Variants in EPHA6 observed in about 807,000 individuals in gnomAD.
EPHA6 encodes ephrin type-A receptor 6.
In EPHA6, 50 loss-of-function variants were observed where a neutral mutation model predicts 112.0. The observed-to-expected ratio is 0.45, with a 90% CI of 0.36 to 0.56. The LOEUF (loss-of-function observed/expected upper bound fraction) is 0.56, where lower values mean the gene tolerates loss of function less well. EPHA6 is among the 20% of genes least tolerant of loss of function. EPHA6 has a pLI of 0.00. For missense variants in EPHA6, 1,280 were observed against 1,417.4 expected (o/e 0.90, Z 1.56); for synonymous variants, 529 against 490.7 (o/e 1.08, Z -1.03).
At chr3:97,113,777 A>G (rs975151217) in intron 3 of EPHA6, among the ~76,000 whole-genome samples, 1 of 152,042 alleles carries the variant, frequency 6.6e-6, no homozygotes, top group African/African-American at 2.4e-5. Context: ...TGTCATTGTC[A>G]TGTAAAGAGT....
intron 3 of EPHA6, among the ~76,000 whole-genome samples, chr3:97,172,769 A>G (rs933248395): frequency 2.0e-5 from 3 of 151,992 alleles, no homozygotes; most frequent in Non-Finnish European, 2.9e-5. Context: ...GTATTCTATC[A>G]GTATCTCAAC....
At chr3:97,038,631 TC>T (rs953028785) in intron 3 of EPHA6, among the ~76,000 whole-genome samples, 1 of 152,106 alleles carries the variant, frequency 6.6e-6, no homozygotes, top group African/African-American at 2.4e-5. Context: ...GGTAGTCCCA[TC>T]ATCCCCCTTT....
intron 3 of EPHA6, among the ~76,000 whole-genome samples, chr3:97,079,124 A>G (rs547686997): frequency 5.3e-5 from 8 of 152,310 alleles, no homozygotes; most frequent in South Asian, 4.1e-4. Context: ...ATGCCCATCA[A>G]TGTTAGACTG....
intron 1 of EPHA6, among the ~76,000 whole-genome samples, chr3:96,816,987 ATGAG>A (rs1226491763): frequency 2.0e-5 from 3 of 152,032 alleles, no homozygotes; most frequent in South Asian, 2.1e-4. Flanking sequence ...AACTTAGTGA[ATGAG>A]TATTATCCAA....
At chr3:96,820,061 G>A (rs780324926) in intron 1 of EPHA6, among the ~76,000 whole-genome samples, 2 of 152,014 alleles carry the variant, frequency 1.3e-5, no homozygotes, top group East Asian at 1.9e-4. Flanking sequence ...GAAGAAGTGC[G>A]TAACATATAG....
At chr3:97,545,582 C>T (rs1288539160) in intron 11 of EPHA6, among the ~76,000 whole-genome samples, 6 of 152,078 alleles carry the variant, frequency 3.9e-5, no homozygotes, top group African/African-American at 1.4e-4. Context: ...CTATTAGGTC[C>T]ACTTGGTGCA....
intron 2 of EPHA6, among the ~76,000 whole-genome samples, chr3:96,919,352 T>A (rs2039645182): frequency 6.6e-6 from 1 of 152,004 alleles, no homozygotes; most frequent in Non-Finnish European, 1.5e-5. Context: ...GAGCATGGAT[T>A]AAATGTACAC....
intron 2 of EPHA6, among the ~76,000 whole-genome samples, chr3:96,975,136 G>A (rs1018366884): frequency 1.3e-5 from 2 of 152,132 alleles, no homozygotes; most frequent in Non-Finnish European, 1.5e-5. Flanking sequence ...TTGGGCAATA[G>A]GGGTGGTCTA....
intron 5 of EPHA6, among the ~76,000 whole-genome samples, chr3:97,376,576 A>C (rs1362539313): frequency 3.9e-5 from 6 of 152,200 alleles, no homozygotes; most frequent in African/African-American, 1.4e-4. Context: ...TCTTTTTCTG[A>C]AAGAGAGCTT....
intron 2 of EPHA6, among the ~76,000 whole-genome samples, chr3:96,892,988 G>A (rs62262955): frequency 0.031 from 4,687 of 151,000 alleles, 104 homozygotes; most frequent in Middle Eastern, 0.068. Flanking sequence ...GTGTTCGTGT[G>A]TGTGTGTGTG....
chr3:96,841,861 G>A (rs1309861912), intron 1 of EPHA6, among the ~76,000 whole-genome samples: 1 of 152,016 alleles, frequency 6.6e-6, no homozygotes, highest in South Asian at 2.1e-4. Flanking sequence ...TTTGAGGAAG[G>A]TTTAGTACCA....
At chr3:97,030,101 C>T (rs959139690) in intron 3 of EPHA6, among the ~76,000 whole-genome samples, 3 of 152,220 alleles carry the variant, frequency 2.0e-5, no homozygotes, top group South Asian at 4.1e-4. Flanking sequence ...TCCAGATATT[C>T]AGCTGTGCAA....
chr3:96,874,926 A>G (rs1372774690), intron 2 of EPHA6, among the ~76,000 whole-genome samples: 2 of 152,080 alleles, frequency 1.3e-5, no homozygotes, highest in Non-Finnish European at 2.9e-5. Flanking sequence ...AAAAAAATCC[A>G]ATAACTAAAG....
chr3:97,579,857 C>T (rs559350387), intron 11 of EPHA6, among the ~76,000 whole-genome samples: 15 of 152,026 alleles, frequency 9.9e-5, no homozygotes, highest in Admixed American at 9.8e-4. Context: ...GGCTTAGCCC[C>T]TTAAAAATAT....
chr3:97,210,796 A>C (rs943407787), intron 3 of EPHA6, among the ~76,000 whole-genome samples: 4 of 152,216 alleles, frequency 2.6e-5, no homozygotes. Context: ...AATGTGAGCC[A>C]GGATTGGCAA....
At chr3:97,566,494 A>G (rs2093268800) in intron 11 of EPHA6, among the ~76,000 whole-genome samples, 1 of 152,228 alleles carries the variant, frequency 6.6e-6, no homozygotes, top group African/African-American at 2.4e-5. Context: ...GGATTGTATG[A>G]GTAGTGCTGC....
intron 11 of EPHA6, among the ~76,000 whole-genome samples, chr3:97,571,259 A>T (rs2093330108): frequency 6.6e-6 from 1 of 152,116 alleles, no homozygotes; most frequent in African/African-American, 2.4e-5. Flanking sequence ...CAGAGGGACC[A>T]ATTAGCAGAC....
At chr3:97,054,182 A>T (rs530583409) in intron 3 of EPHA6, among the ~76,000 whole-genome samples, 5 of 152,148 alleles carry the variant, frequency 3.3e-5, no homozygotes, top group African/African-American at 1.2e-4. Flanking sequence ...ACACACACAC[A>T]CACACACACA....
chr3:97,508,793 G>T (rs2092306936), intron 10 of EPHA6, among the ~76,000 whole-genome samples: 1 of 152,018 alleles, frequency 6.6e-6, no homozygotes, highest in South Asian at 2.1e-4. Flanking sequence ...GGGAGTCTAA[G>T]TCTCTTCGTA....
Sources: gnomAD v4.1 joint callset for allele counts (sites outside exome capture counted in the v4.1 genomes callset) on GRCh38, gnomAD v4.1.1 for gene constraint, MANE v1.5 for transcripts, NCBI Gene and HGNC (gene_info 2026-07-23, HGNC 2026-07-21) for gene names.